Variants in MGAM observed in about 807,000 individuals in gnomAD.
MGAM encodes alpha-1,4-glucosidase.
MGAM carries 253 observed loss-of-function variants against 358.8 expected under a neutral mutation model. The observed-to-expected ratio is 0.71, with a 90% CI of 0.64 to 0.78. The LOEUF is 0.78. Ranked by LOEUF, MGAM falls within the 30% of genes least tolerant of loss-of-function variation. The pLI, the probability that MGAM is intolerant of heterozygous loss-of-function variation, is 0.00. For missense variants in MGAM, 3,080 were observed against 3,432.6 expected (o/e 0.90, Z 2.57); for synonymous variants, 1,105 against 1,227.1 (o/e 0.90, Z 2.08).
At chr7:142,093,616 A>T in intron 60 of MGAM, 66 bp downstream of exon 60, 1 of 1,414,648 alleles carries the variant, frequency 7.1e-7, no homozygotes, top group Non-Finnish European at 9.6e-7. Context: ...TGACATAGCT[A>T]CCCTACTTTT....
intron 28 of MGAM, 116 bp from the exon 29 acceptor site, chr7:142,055,884 T>C: frequency 1.4e-6 from 2 of 1,448,480 alleles, no homozygotes; most frequent in South Asian, 1.2e-5. Flanking sequence ...GTTTAGTTTA[T>C]GTGTCTAGTT....
rs1810864896 is a variant in MGAM, at chr7:142,050,702, C to T, written c.2643C>T (p.Arg881=). 6.2e-7 allele frequency: 1 copy of T among 1,613,238 alleles called. No individual in the cohort carries two copies. The highest frequency in any genetic ancestry group is 8.5e-7 in the Non-Finnish European group (1 of 1,179,478). ...TGGACTTAATTGTTTTGCAGAACCG[C>T]TTGGAGGTGAATATTTCACAATCAA... ...LLCEFSVTQN[R]LEVNISQSTY... Residue 881 remains arginine (R), a synonymous_variant, in exon 24 of 71, where the codon CGC becomes CGT. Coordinates refer to ENST00000475668, the MANE Select transcript of MGAM (RefSeq NM_001365693.1).
intron 24 of MGAM, among the ~76,000 whole-genome samples, chr7:142,051,158 G>A (rs1484389756): frequency 6.6e-5 from 10 of 152,180 alleles, no homozygotes; most frequent in Admixed American, 2.0e-4. Flanking sequence ...AAGTTGGAAA[G>A]TGGGGAATAG....
At chr7:142,040,632 G>A in intron 20 of MGAM, 90 bp from the exon 21 acceptor site, 1 of 1,491,062 alleles carries the variant, frequency 6.7e-7, no homozygotes, top group Non-Finnish European at 9.1e-7. Context: ...TTGGAAAAGG[G>A]AGAGAGCTGT....
chr7:142,054,648 A>T, intron 26 of MGAM, 106 bp from the exon 27 acceptor site: 1 of 1,203,498 alleles, frequency 8.3e-7, no homozygotes, highest in South Asian at 1.6e-5. Context: ...TAAAGAAGAT[A>T]GAAACATAGC....
At chr7:142,009,273 G>A (rs1422933075) in intron 3 of MGAM, among the ~76,000 whole-genome samples, 1 of 152,168 alleles carries the variant, frequency 6.6e-6, no homozygotes, top group East Asian at 1.9e-4. Context: ...CCTTAGCCCA[G>A]TGTTTCTAGA....
chr7:142,078,414 C>G lies in MGAM; in HGVS notation c.5590C>G (p.Pro1864Ala). 6.5e-7 allele frequency: 1 copy of G among 1,540,272 alleles called. No homozygotes were observed. Among genetic ancestry groups the G allele is most frequent in the Non-Finnish European group, 8.9e-7 (1 of 1,123,846 alleles). ...IRDEEKIDCY[P>A]DENGDSAENC... ...GGATGAAGAAAAAATAGACTGTTAC[C>G]CTGATGAGAATGGTGATTCTGCAGA... The change falls in exon 48 of 71, where the codon CCT (proline) becomes GCT (alanine). Residue 1864 changes from proline to alanine, a missense_variant. By Grantham distance (27) the Pro-to-Ala change is conservative (BLOSUM62 -1). This residue lies in a region of MGAM where 932 missense variants were observed against 1,198.2 expected (regional missense o/e 0.78). Coordinates refer to ENST00000475668, the MANE Select transcript of MGAM (RefSeq NM_001365693.1).
chr7:142,065,943 G>GGTT, intron 40 of MGAM, 112 bp downstream of exon 40: 1 of 645,778 alleles, frequency 1.5e-6, no homozygotes, highest in African/African-American at 2.1e-5. Context: ...AAAAAAAGGT[G>GGTT]TTTTTTTTTG....
At chr7:142,042,042 TA>T (rs1808821151) in intron 21 of MGAM, among the ~76,000 whole-genome samples, 1 of 42,332 alleles carries the variant, frequency 2.4e-5, no homozygotes, top group East Asian at 5.6e-4. Flanking sequence ...TATATACATA[TA>T]ATATATAATA....
At chr7:142,088,544 T>A (rs1814977628) in intron 57 of MGAM, among the ~76,000 whole-genome samples, 1 of 143,378 alleles carries the variant, frequency 7.0e-6, no homozygotes, top group South Asian at 2.2e-4. Flanking sequence ...ACCCACTCTA[T>A]CTATCCATCC....
At position 142,047,764 on chromosome 7, in the gene MGAM, C is replaced by T. The variant is rs751465624; in HGVS notation, c.2499-21C>T. The T allele has an allele frequency of 2.5e-6, 4 of 1,598,652 alleles. No homozygotes were observed. The African/African-American group carries it at 4.0e-5, about 16-fold the overall frequency. ...AATTCTCTGACTCCTGTCTTTGTGT[C>T]TTGAATCTTGTTCCCCACAGTCGAA... On this transcript the variant is annotated intron_variant, in intron 21 of 70. Transcript: ENST00000475668.
At chr7:142,001,511 T>C (rs782634456) in intron 1 of MGAM, among the ~76,000 whole-genome samples, 1 of 152,162 alleles carries the variant, frequency 6.6e-6, no homozygotes, top group Non-Finnish European at 1.5e-5. Flanking sequence ...ATGTTCTTTT[T>C]GAGTAAAGAG....
intron 18 of MGAM, among the ~76,000 whole-genome samples, chr7:142,037,364 C>T (rs1410556315): frequency 6.6e-6 from 1 of 152,034 alleles, no homozygotes; most frequent in Non-Finnish European, 1.5e-5. Flanking sequence ...ACTATAATGC[C>T]AGAACTATGT....
chr7:142,066,741 C>G lies in MGAM; in HGVS notation c.4919+20C>G. ...CCATGAGTGAGTGTCCAGCAGGGAT[C>G]CCGATGACTAATGGATGACTTATTG... On this transcript the variant is annotated intron_variant, in intron 41 of 70. Coordinates refer to ENST00000475668, the MANE Select transcript of MGAM (RefSeq NM_001365693.1). 1.3e-6 allele frequency: 2 copies of G among 1,547,302 alleles called. No homozygotes were observed. Among genetic ancestry groups the G allele is most frequent in the South Asian group, 2.3e-5 (2 of 88,182 alleles).
At chr7:142,023,404 G>A (rs1806643012) in intron 7 of MGAM, among the ~76,000 whole-genome samples, 1 of 151,444 alleles carries the variant, frequency 6.6e-6, no homozygotes, top group African/African-American at 2.4e-5. Context: ...ATGGAAGAAA[G>A]GAGATTACAG....
At chr7:142,087,711 AGAAGCT>A in intron 57 of MGAM, among the ~76,000 whole-genome samples, 1 of 146,744 alleles carries the variant, frequency 6.8e-6, no homozygotes. Flanking sequence ...GAAGGGACAA[AGAAGCT>A]GACTTGTGCA....
chr7:142,057,000 G>A, intron 30 of MGAM, 58 bp downstream of exon 30: 1 of 1,515,198 alleles, frequency 6.6e-7, no homozygotes, highest in South Asian at 1.2e-5. Flanking sequence ...GGGTGCCAGA[G>A]TCCACATTGA....
At chr7:142,042,623 A>G (rs1401564322) in intron 21 of MGAM, among the ~76,000 whole-genome samples, 37 of 40,772 alleles carry the variant, frequency 9.1e-4, no homozygotes, top group South Asian at 5.5e-3. Context: ...TATATTATAT[A>G]TACATATTAT....
intron 44 of MGAM, among the ~76,000 whole-genome samples, chr7:142,073,727 T>C (rs1813523996): frequency 6.8e-6 from 1 of 146,234 alleles, no homozygotes; most frequent in Non-Finnish European, 1.5e-5. Context: ...GAGGGCATCA[T>C]TGCTAAAGTG....
Sources: gnomAD v4.1 joint callset for allele counts (sites outside exome capture counted in the v4.1 genomes callset) on GRCh38, gnomAD v4.1.1 for gene constraint, gnomAD v4.1.1 regional missense constraint, MANE v1.5 for transcripts, NCBI Gene and HGNC (gene_info 2026-07-23, HGNC 2026-07-21) for gene names.